The following KCNJ3 variants were observed in gnomAD, a reference collection of about 807,000 sequenced individuals.
KCNJ3 encodes the protein potassium inwardly rectifying channel subfamily J member 3, also known as G protein-activated inward rectifier potassium channel 1.
A neutral mutation model predicts 39.2 loss-of-function variants in KCNJ3; 4 were observed. The ratio of observed to expected loss-of-function variants is 0.10; its 90% confidence interval spans 0.05 to 0.23. KCNJ3 has a LOEUF of 0.23. Among genes scored for constraint, KCNJ3 ranks in the 10% least tolerant of loss-of-function variants. The probability of loss-of-function intolerance (pLI) is 1.00; values close to 1 mark genes in which losing one functional copy is unlikely to be tolerated. For synonymous variants in KCNJ3, 230 were observed against 237.4 expected, an observed-to-expected ratio of 0.97 and a Z score of 0.29; for missense variants, 276 against 634.9, an observed-to-expected ratio of 0.43 and a Z score of 6.08.
intron 2 of KCNJ3, among the ~76,000 whole-genome samples, chr2:154,760,565 CTCTT>C (rs1428510709): frequency 1.3e-5 from 2 of 151,744 alleles, no homozygotes; most frequent in Non-Finnish European, 2.9e-5. Context: ...CTCTCTCTCT[CTCTT>C]TCTTGACGGA....
At position 154,855,827 on chromosome 2, in the gene KCNJ3, ATGTTT is replaced by A. The variant is rs1261693075; in HGVS notation, c.*519_*523del. ...TACATATATATCTGATAAAATTGTGATGTTTTGTTCAAAGTTGTAGTTCTTGTGCA... is the reference window on the plus strand; with the variant it reads ...TACATATATATCTGATAAAATTGTGATGTTCAAAGTTGTAGTTCTTGTGCA... On this transcript the variant is annotated 3_prime_UTR_variant, in exon 3 of 3. Transcript: ENST00000295101. The A allele has an allele frequency of 1.3e-5, 2 of 152,386 alleles. No homozygotes were observed. The highest frequency in any genetic ancestry group is 2.9e-5 in the Non-Finnish European group (2 of 67,960). 9.4% of individuals were successfully genotyped at this position (152,386 alleles called of 1,614,324 possible).
chr2:154,775,924 T>C (rs1686324646), intron 2 of KCNJ3, among the ~76,000 whole-genome samples: 1 of 152,152 alleles, frequency 6.6e-6, no homozygotes, highest in African/African-American at 2.4e-5. Context: ...TTTCTTCATA[T>C]TGTATTTTGC....
chr2:154,807,619 G>A (rs1244007413), intron 2 of KCNJ3, among the ~76,000 whole-genome samples: 1 of 152,184 alleles, frequency 6.6e-6, no homozygotes, highest in Non-Finnish European at 1.5e-5. Flanking sequence ...GAGATGAGAA[G>A]ACATCTAGAG....
At chr2:154,854,034 C>T (rs1687799545) in intron 2 of KCNJ3, among the ~76,000 whole-genome samples, 1 of 152,086 alleles carries the variant, frequency 6.6e-6, no homozygotes, top group Non-Finnish European at 1.5e-5. Context: ...AATGACTTTT[C>T]TTTTTCTAGC....
At chr2:154,766,317 A>G (rs984906127) in intron 2 of KCNJ3, among the ~76,000 whole-genome samples, 4 of 152,124 alleles carry the variant, frequency 2.6e-5, no homozygotes. Flanking sequence ...ATATATTTTA[A>G]CAGGTCTGAG....
At chr2:154,701,635 A>AATTTGG (rs1183845023) in intron 1 of KCNJ3, among the ~76,000 whole-genome samples, 1 of 152,086 alleles carries the variant, frequency 6.6e-6, no homozygotes, top group Non-Finnish European at 1.5e-5. Flanking sequence ...AGTGTCGACA[A>AATTTGG]ATTTGGAGCA....
intron 2 of KCNJ3, among the ~76,000 whole-genome samples, chr2:154,770,267 A>G (rs1207616335): frequency 6.6e-6 from 1 of 152,184 alleles, no homozygotes; most frequent in African/African-American, 2.4e-5. Context: ...AATCCCAGAT[A>G]TTGTACACTA....
chr2:154,725,104 C>A (rs190387525), intron 2 of KCNJ3, among the ~76,000 whole-genome samples: 1 of 151,176 alleles, frequency 6.6e-6, no homozygotes, highest in Non-Finnish European at 1.5e-5. Flanking sequence ...AGAAATATAA[C>A]CTTATTGGTA....
chr2:154,709,352 T>C, intron 1 of KCNJ3: 1 of 502,654 alleles, frequency 2.0e-6, no homozygotes, highest in Non-Finnish European at 3.6e-6. Flanking sequence ...CAGGCATTTC[T>C]CCAAAGCTCA....
chr2:154,701,382 C>A (rs1336944209), intron 1 of KCNJ3, among the ~76,000 whole-genome samples: 1 of 152,046 alleles, frequency 6.6e-6, no homozygotes, highest in African/African-American at 2.4e-5. Flanking sequence ...TTACAGATGT[C>A]TTTTCCAGAC....
intron 2 of KCNJ3, among the ~76,000 whole-genome samples, chr2:154,783,374 T>C (rs928314347): frequency 2.0e-5 from 3 of 152,196 alleles, no homozygotes; most frequent in Admixed American, 2.0e-4. Flanking sequence ...CTTTGTTGGA[T>C]TCTTTGTTTT....
chr2:154,744,101 G>A (rs767831622), intron 2 of KCNJ3, among the ~76,000 whole-genome samples: 1 of 151,696 alleles, frequency 6.6e-6, no homozygotes, highest in Middle Eastern at 3.4e-3. Context: ...AAATGATTCT[G>A]TAATGTTTCT....
chr2:154,709,504 T>C, intron 1 of KCNJ3, 99 bp from the exon 2 acceptor site: 1 of 1,183,166 alleles, frequency 8.5e-7, no homozygotes, highest in Non-Finnish European at 1.2e-6. Context: ...AGATGATTGA[T>C]AGTGCAGAAT....
At chr2:154,772,274 T>C (rs143654135) in intron 2 of KCNJ3, among the ~76,000 whole-genome samples, 1 of 152,316 alleles carries the variant, frequency 6.6e-6, no homozygotes, top group Non-Finnish European at 1.5e-5. Flanking sequence ...ATAGTGAATA[T>C]TGTCCTGAGT....
At chr2:154,709,089 G>A (rs867947903) in intron 1 of KCNJ3, among the ~76,000 whole-genome samples, 26 of 152,266 alleles carry the variant, frequency 1.7e-4, no homozygotes, top group Middle Eastern at 3.4e-3. Context: ...CATTTTATAT[G>A]TGTTTGTTAC....
intron 2 of KCNJ3, among the ~76,000 whole-genome samples, chr2:154,765,554 A>C (rs1284471325): frequency 2.6e-5 from 4 of 152,174 alleles, no homozygotes; most frequent in Non-Finnish European, 4.4e-5. Context: ...ATGATCTTTG[A>C]TTTTGGTTCT....
intron 2 of KCNJ3, among the ~76,000 whole-genome samples, chr2:154,827,077 G>T (rs1687283961): frequency 6.6e-6 from 1 of 152,068 alleles, no homozygotes; most frequent in Admixed American, 6.6e-5. Context: ...GGTATATCCT[G>T]TTCTTGGAGA....
intron 1 of KCNJ3, among the ~76,000 whole-genome samples, chr2:154,708,441 T>C (rs181091173): frequency 6.6e-6 from 1 of 152,262 alleles, no homozygotes; most frequent in Admixed American, 6.5e-5. Flanking sequence ...AACTATCACT[T>C]CATTGGGCAG....
intron 2 of KCNJ3, among the ~76,000 whole-genome samples, chr2:154,727,345 G>A (rs1021436023): frequency 6.6e-6 from 1 of 151,802 alleles, no homozygotes; most frequent in Admixed American, 6.6e-5. Context: ...CAGCACTTTG[G>A]GAGGCTGAGA....
Sources: allele counts gnomAD v4.1 joint callset (sites outside exome capture counted in the v4.1 genomes callset), GRCh38; gene constraint gnomAD v4.1.1; transcripts MANE v1.5; gene names NCBI Gene and HGNC (gene_info 2026-07-23, HGNC 2026-07-21).